Variants in TRAP1 observed in about 807,000 individuals in gnomAD.
TRAP1 encodes the protein TNF receptor associated protein 1.
In TRAP1, 102 loss-of-function variants were observed where a neutral mutation model predicts 89.1. The observed-to-expected ratio is 1.15, with a 90% CI of 0.98 to 1.35. The LOEUF is 1.35. Ranked by LOEUF, TRAP1 falls within the 40% of genes most tolerant of loss-of-function variation. The pLI is 0.00. For missense variants in TRAP1, 1,256 were observed against 945.3 expected, an observed-to-expected ratio of 1.33 and a Z score of -4.31; for synonymous variants, 508 against 388.0, an observed-to-expected ratio of 1.31 and a Z score of -3.64.
intron 1 of TRAP1, among the ~76,000 whole-genome samples, chr16:3,698,613 T>G (rs552249988): frequency 1.8e-3 from 271 of 150,738 alleles, no homozygotes; most frequent in African/African-American, 6.3e-3. Context: ...CTACAACAAC[T>G]TTTAATCACT....
At chr16:3,669,479 T>C (rs1340299290) in intron 11 of TRAP1, among the ~76,000 whole-genome samples, 2 of 152,126 alleles carry the variant, frequency 1.3e-5, no homozygotes, top group African/African-American at 4.8e-5. Flanking sequence ...TATAGTTATA[T>C]CTTCCGACCA....
intron 1 of TRAP1, among the ~76,000 whole-genome samples, chr16:3,716,399 C>G (rs889785651): frequency 1.3e-5 from 2 of 152,210 alleles, no homozygotes; most frequent in African/African-American, 4.8e-5. Flanking sequence ...AGTACTCACC[C>G]ATTCTATGCA....
Position 3,671,708 on chromosome 16 carries a change from G to A in TRAP1, c.1235+14C>T, listed in dbSNP as rs756961609. ...GTCCCCAGCAGGGTCCTCTCCCCGCGGCCCGAGGCTCACCTGATGAGTGCG... is the reference window on the plus strand; with the variant it reads ...GTCCCCAGCAGGGTCCTCTCCCCGCAGCCCGAGGCTCACCTGATGAGTGCG... On this transcript the variant is annotated intron_variant, in intron 11 of 17. Transcript: ENST00000246957. The A allele has an allele frequency of 6.8e-6, 11 of 1,611,492 alleles. No homozygotes were observed. Among genetic ancestry groups the A allele is most frequent in the Admixed American group, 3.3e-5 (2 of 59,984 alleles).
intron 1 of TRAP1, among the ~76,000 whole-genome samples, chr16:3,710,711 A>G (rs902310784): frequency 3.3e-5 from 5 of 152,146 alleles, no homozygotes; most frequent in Admixed American, 2.6e-4. Flanking sequence ...TTCGAGGTGC[A>G]TATCACTAAC....
intron 14 of TRAP1, 43 bp downstream of exon 14, chr16:3,663,381 G>T (rs747427856): frequency 1.2e-6 from 2 of 1,611,770 alleles, no homozygotes; most frequent in Admixed American, 3.3e-5. Context: ...GGCGTGCGGG[G>T]AGTGGAAACC....
chr16:3,658,045 A>G lies in TRAP1; in HGVS notation c.*84T>C. The G allele has an allele frequency of 6.2e-7, 1 of 1,608,324 alleles. No homozygotes were observed. On this transcript the variant is annotated 3_prime_UTR_variant, in exon 18 of 18. Transcript: ENST00000246957. ...AAAAGCCCAACACACACTCGGGTTAAGAAATACCTTTAAATTTAGGTAAAT... is the reference window on the plus strand; with the variant it reads ...AAAAGCCCAACACACACTCGGGTTAGGAAATACCTTTAAATTTAGGTAAAT...
At chr16:3,676,189 G>A in intron 6 of TRAP1, 44 bp from the exon 7 acceptor site, 5 of 1,564,176 alleles carry the variant, frequency 3.2e-6, no homozygotes, top group East Asian at 2.2e-5. Flanking sequence ...ATGTGACACT[G>A]GGACATACCC....
chr16:3,705,782 T>C (rs1268290548), intron 1 of TRAP1, among the ~76,000 whole-genome samples: 2 of 151,738 alleles, frequency 1.3e-5, no homozygotes, highest in Admixed American at 6.6e-5. Flanking sequence ...CGGGTTCAAG[T>C]GATTCTCCTG....
intron 3 of TRAP1, among the ~76,000 whole-genome samples, chr16:3,687,868 A>AG (rs1463584196): frequency 6.6e-6 from 1 of 151,044 alleles, no homozygotes; most frequent in East Asian, 1.9e-4. Flanking sequence ...AAAACCAAAA[A>AG]AAAAAAAAAC....
In TRAP1 at chr16:3,689,064, T is replaced by TA; in HGVS notation, c.320_321insT (p.Glu108ArgfsTer27). ...TTAGCAGGGAACGCACCTCTTTTTC[T>TA]GAGTACAGGGACCGGGCAACAATGT... is the stretch of plus-strand genomic sequence containing the variant. On this transcript the variant is annotated frameshift_variant, in exon 3 of 18. Coordinates refer to ENST00000246957, the MANE Select transcript of TRAP1 (RefSeq NM_016292.3). LOFTEE classifies it high-confidence loss of function. 1 of 1,611,732 alleles carries TA rather than the reference T, an allele frequency of 6.2e-7. No homozygotes were observed. Among genetic ancestry groups the TA allele is most frequent in the South Asian group, 1.1e-5 (1 of 90,460 alleles).
At chr16:3,709,509 G>A (rs542330984) in intron 1 of TRAP1, among the ~76,000 whole-genome samples, 3 of 152,280 alleles carry the variant, frequency 2.0e-5, no homozygotes, top group East Asian at 3.9e-4. Context: ...GCCATGAGAG[G>A]GTTACATAAA....
At chr16:3,694,222 A>G (rs1456256600) in intron 1 of TRAP1, among the ~76,000 whole-genome samples, 4 of 152,068 alleles carry the variant, frequency 2.6e-5, no homozygotes, top group Non-Finnish European at 5.9e-5. Flanking sequence ...TTATACGGAT[A>G]CCAGGAATAC....
chr16:3,672,631 G>A (rs901910680), intron 10 of TRAP1, 69 bp downstream of exon 10: 35 of 1,523,264 alleles, frequency 2.3e-5, no homozygotes, highest in Admixed American at 1.6e-4. Flanking sequence ...GAATCAGCAC[G>A]GTCCCTCACA....
At chr16:3,659,132 C>G (rs529953165) in intron 16 of TRAP1, 4 of 373,638 alleles carry the variant, frequency 1.1e-5, no homozygotes, top group African/African-American at 2.1e-5. Flanking sequence ...GAGCTTAGTA[C>G]GTGAAGACAT....
At chr16:3,664,849 TC>T (rs2050792158) in intron 12 of TRAP1, 2 of 190,238 alleles carry the variant, frequency 1.1e-5, no homozygotes, top group African/African-American at 2.4e-5. Flanking sequence ...TTCCCGGCCC[TC>T]CTCACAGCTG....
intron 1 of TRAP1, among the ~76,000 whole-genome samples, chr16:3,710,083 T>A (rs1431028092): frequency 6.6e-6 from 1 of 152,240 alleles, no homozygotes; most frequent in Non-Finnish European, 1.5e-5. Context: ...CCTGGTCTAA[T>A]CGTTCTCTAC....
intron 11 of TRAP1, among the ~76,000 whole-genome samples, chr16:3,669,322 G>A (rs1266936335): frequency 6.6e-6 from 1 of 152,204 alleles, no homozygotes; most frequent in Non-Finnish European, 1.5e-5. Context: ...GTTGAGGTCA[G>A]CACAACTGCT....
At chr16:3,681,914 G>C (rs987963836) in intron 4 of TRAP1, among the ~76,000 whole-genome samples, 3 of 152,128 alleles carry the variant, frequency 2.0e-5, no homozygotes, top group Admixed American at 2.0e-4. Context: ...AAAATATTTT[G>C]AAGAACGAAG....
chr16:3,707,045 T>A (rs1218778584), intron 1 of TRAP1, among the ~76,000 whole-genome samples: 1 of 152,074 alleles, frequency 6.6e-6, no homozygotes, highest in Non-Finnish European at 1.5e-5. Flanking sequence ...GTATCACCTG[T>A]TTTTTTGTTG....
Sources: gnomAD v4.1 joint callset for allele counts (sites outside exome capture counted in the v4.1 genomes callset) on GRCh38, gnomAD v4.1.1 for gene constraint, MANE v1.5 for transcripts, NCBI Gene and HGNC (gene_info 2026-07-23, HGNC 2026-07-21) for gene names.